NRXN1: variants seen among roughly 807,000 people sequenced by gnomAD.
NRXN1 encodes neurexin 1, also known as neurexin-1.
NRXN1 carries 39 observed loss-of-function variants against 150.9 expected under a neutral mutation model. That is an observed-to-expected ratio of 0.26 (90% CI 0.20 to 0.34). The LOEUF is 0.34. Among genes scored for constraint, NRXN1 ranks in the 10% least tolerant of loss-of-function variants. The probability of loss-of-function intolerance (pLI) is 1.00; values close to 1 mark genes in which losing one functional copy is unlikely to be tolerated. For synonymous variants in NRXN1, 924 were observed against 757.0 expected (o/e 1.22, Z -3.62); for missense variants, 1,815 against 1,949.9 (o/e 0.93, Z 1.30).
At chr2:50,916,223 A>G (rs930526403) in intron 5 of NRXN1, among the ~76,000 whole-genome samples, 3 of 150,942 alleles carry the variant, frequency 2.0e-5, no homozygotes, top group Admixed American at 6.6e-5. Context: ...AAAATTGTAC[A>G]AAGTTTTGCC....
At chr2:49,945,720 T>C (rs1243632283) in intron 21 of NRXN1, among the ~76,000 whole-genome samples, 2 of 152,164 alleles carry the variant, frequency 1.3e-5, no homozygotes, top group Non-Finnish European at 2.9e-5. Context: ...CATGAACTCA[T>C]CCTTTTTTAT....
At chr2:49,934,216 T>G in intron 22 of NRXN1, among the ~76,000 whole-genome samples, 1 of 152,190 alleles carries the variant, frequency 6.6e-6, no homozygotes, top group East Asian at 1.9e-4. Flanking sequence ...TGGTAAAAAC[T>G]CCTTTGATTA....
In NRXN1 at chr2:50,463,237, G is replaced by C. The variant is rs74786625; in HGVS notation, c.3364+2205C>G. ...CAATTTAAAAAGTGAGGAAAGTGTT[G>C]CATGCTATTTCTATTGCTTATTAAT... On this transcript the variant is annotated intron_variant, in intron 17 of 22. Coordinates refer to ENST00000401669, the MANE Select transcript of NRXN1 (RefSeq NM_001330078.2). 6.7e-3 allele frequency among the ~76,000 whole-genome samples: 1,016 copies of C among 151,896 alleles called. 14 individuals carry two copies. The highest frequency in any genetic ancestry group is 0.022 in the African/African-American group (920 of 41,508).
intron 17 of NRXN1, among the ~76,000 whole-genome samples, chr2:50,442,045 A>G (rs1196858785): frequency 6.6e-6 from 1 of 152,176 alleles, no homozygotes; most frequent in Non-Finnish European, 1.5e-5. Context: ...GTCTTAACAT[A>G]TGTCCATCAC....
At chr2:50,949,953 T>C (rs1442506309) in intron 2 of NRXN1, among the ~76,000 whole-genome samples, 1 of 152,140 alleles carries the variant, frequency 6.6e-6, no homozygotes, top group African/African-American at 2.4e-5. Context: ...CTGGAGTTTG[T>C]ACCATCCCCT....
At chr2:50,158,811 AC>A (rs1393705627) in intron 18 of NRXN1, among the ~76,000 whole-genome samples, 1 of 152,098 alleles carries the variant, frequency 6.6e-6, no homozygotes, top group Non-Finnish European at 1.5e-5. Flanking sequence ...CATATTGGCT[AC>A]CCTGTTTATT....
At chr2:50,787,669 C>T (rs1705326569) in intron 5 of NRXN1, among the ~76,000 whole-genome samples, 1 of 151,410 alleles carries the variant, frequency 6.6e-6, no homozygotes, top group South Asian at 2.1e-4. Context: ...AAATAATTTT[C>T]TCCTTGGCCA....
chr2:50,475,736 C>T (rs1295909894), intron 15 of NRXN1, among the ~76,000 whole-genome samples: 1 of 152,008 alleles, frequency 6.6e-6, no homozygotes, highest in Admixed American at 6.6e-5. Context: ...TTTGATATAG[C>T]AAATAGTGAT....
chr2:49,995,798 A>T (rs1573298043), intron 21 of NRXN1, among the ~76,000 whole-genome samples: 1 of 148,272 alleles, frequency 6.7e-6, no homozygotes, highest in East Asian at 2.0e-4. Flanking sequence ...AAAAAAAAAA[A>T]AAAAGATAGG....
chr2:50,223,870 G>A (rs1052064818), intron 18 of NRXN1, among the ~76,000 whole-genome samples: 1 of 151,884 alleles, frequency 6.6e-6, no homozygotes, highest in Non-Finnish European at 1.5e-5. Flanking sequence ...GAAAGTCATG[G>A]CTCCAACCAG....
intron 5 of NRXN1, among the ~76,000 whole-genome samples, chr2:50,824,301 A>AGTGT (rs10651842): frequency 0.061 from 9,145 of 149,142 alleles, 434 homozygotes; most frequent in Non-Finnish European, 0.083. Flanking sequence ...AAACCCTTTG[A>AGTGT]GTGTGTGTGT....
intron 17 of NRXN1, among the ~76,000 whole-genome samples, chr2:50,268,437 T>C (rs761389418): frequency 2.0e-5 from 3 of 152,158 alleles, no homozygotes; most frequent in Non-Finnish European, 2.9e-5. Context: ...AATTAACCAA[T>C]AGGGAGGATT....
At chr2:50,375,433 T>C (rs2080410951) in intron 17 of NRXN1, among the ~76,000 whole-genome samples, 1 of 120,012 alleles carries the variant, frequency 8.3e-6, no homozygotes, top group African/African-American at 3.6e-5. Flanking sequence ...AGAGTGTAAC[T>C]TGCCAAAGAT....
chr2:50,334,051 G>C (rs976601203), intron 17 of NRXN1, among the ~76,000 whole-genome samples: 1 of 151,742 alleles, frequency 6.6e-6, no homozygotes, highest in East Asian at 1.9e-4. Flanking sequence ...TTTTGCCTGT[G>C]TGTGTGTGTC....
chr2:50,727,728 C>T (rs1697565573), intron 5 of NRXN1, among the ~76,000 whole-genome samples: 1 of 151,958 alleles, frequency 6.6e-6, no homozygotes, highest in Non-Finnish European at 1.5e-5. Flanking sequence ...AACATTTTAC[C>T]ATGGCAATAT....
At chr2:50,413,152 C>G (rs150823069) in intron 17 of NRXN1, among the ~76,000 whole-genome samples, 1 of 152,162 alleles carries the variant, frequency 6.6e-6, no homozygotes, top group Non-Finnish European at 1.5e-5. Flanking sequence ...AGACCACCCA[C>G]AGAATGGGAG....
intron 17 of NRXN1, among the ~76,000 whole-genome samples, chr2:50,370,456 G>T (rs1346485632): frequency 6.6e-6 from 1 of 151,932 alleles, no homozygotes; most frequent in Admixed American, 6.6e-5. Flanking sequence ...AATGTCTGGT[G>T]CTGCTGTTAG....
chr2:50,555,112 A>C (rs914476648), intron 8 of NRXN1, among the ~76,000 whole-genome samples: 1 of 152,084 alleles, frequency 6.6e-6, no homozygotes, highest in African/African-American at 2.4e-5. Context: ...ACTTAAACCT[A>C]TATTATTTTT....
chr2:50,033,734 A>G (rs4971640), intron 21 of NRXN1, among the ~76,000 whole-genome samples: 111,162 of 151,496 alleles, frequency 0.73, 41,113 homozygotes, highest in Middle Eastern at 0.8. Context: ...CGCAGCTGAC[A>G]AAGGTCTAAT....
Sources: gnomAD v4.1 joint callset for allele counts (sites outside exome capture counted in the v4.1 genomes callset) on GRCh38, gnomAD v4.1.1 for gene constraint, MANE v1.5 for transcripts, NCBI Gene and HGNC (gene_info 2026-07-23, HGNC 2026-07-21) for gene names.